TMPRSS15: variants seen among roughly 807,000 people sequenced by gnomAD.
TMPRSS15 encodes the protein transmembrane serine protease 15, also known as enteropeptidase.
TMPRSS15 carries 128 observed loss-of-function variants against 125.3 expected under a neutral mutation model. The observed-to-expected ratio is 1.02, with a 90% CI of 0.89 to 1.18. TMPRSS15 has a LOEUF of 1.18. TMPRSS15 is among the 50% of genes most tolerant of loss of function. The probability of loss-of-function intolerance (pLI) is 0.00; values close to 1 mark genes in which losing one functional copy is unlikely to be tolerated. For synonymous variants in TMPRSS15, 446 were observed against 423.2 expected, an observed-to-expected ratio of 1.05 and a Z score of -0.66; for missense variants, 1,283 against 1,212.7, an observed-to-expected ratio of 1.06 and a Z score of -0.86.
intron 10 of TMPRSS15, among the ~76,000 whole-genome samples, chr21:18,348,023 A>G (rs4380333): frequency 0.12 from 18,552 of 152,156 alleles, 1,204 homozygotes; most frequent in Middle Eastern, 0.26. Flanking sequence ...ATCTCTATAA[A>G]AAATTTAAAA....
chr21:18,441,245 C>A (rs544223624), intron 1 of TMPRSS15, among the ~76,000 whole-genome samples: 81 of 150,516 alleles, frequency 5.4e-4, no homozygotes, highest in African/African-American at 1.8e-3. Context: ...GTGAGCCCTG[C>A]ACTCCAGCCT....
intron 1 of TMPRSS15, among the ~76,000 whole-genome samples, chr21:18,414,089 T>C (rs1044641556): frequency 2.0e-5 from 3 of 152,232 alleles, no homozygotes; most frequent in Admixed American, 6.5e-5. Flanking sequence ...AGAAACTTAA[T>C]AGACTGTCAT....
At chr21:18,433,993 G>A (rs1387130026) in intron 1 of TMPRSS15, among the ~76,000 whole-genome samples, 1 of 152,180 alleles carries the variant, frequency 6.6e-6, no homozygotes, top group African/African-American at 2.4e-5. Flanking sequence ...AATTTGGCAG[G>A]TCCAATACAG....
intron 21 of TMPRSS15, among the ~76,000 whole-genome samples, chr21:18,288,634 G>A (rs926868999): frequency 1.4e-5 from 2 of 139,946 alleles, no homozygotes; most frequent in African/African-American, 2.8e-5. Flanking sequence ...TTCGCCTCCC[G>A]GGTTCAAGCA....
intron 1 of TMPRSS15, among the ~76,000 whole-genome samples, chr21:18,455,413 G>C (rs547564754): frequency 1.3e-5 from 2 of 152,056 alleles, no homozygotes; most frequent in Non-Finnish European, 2.9e-5. Flanking sequence ...CATTACACAG[G>C]TTCTAGGTAT....
At chr21:18,371,900 T>C (rs1193352103) in intron 6 of TMPRSS15, among the ~76,000 whole-genome samples, 6 of 152,072 alleles carry the variant, frequency 3.9e-5, no homozygotes, top group African/African-American at 1.4e-4. Flanking sequence ...CATCCCCACA[T>C]TTATGACAGA....
intron 1 of TMPRSS15, among the ~76,000 whole-genome samples, chr21:18,447,164 G>C (rs2076257376): frequency 6.6e-6 from 1 of 151,954 alleles, no homozygotes; most frequent in South Asian, 2.1e-4. Context: ...CATACAAATG[G>C]GCCAGGTGTA....
intron 1 of TMPRSS15, among the ~76,000 whole-genome samples, chr21:18,436,189 G>T (rs1484181325): frequency 6.6e-6 from 1 of 150,700 alleles, no homozygotes; most frequent in Middle Eastern, 3.2e-3. Context: ...GAATGTGTTT[G>T]CTCTTGCTTT....
At chr21:18,319,227 G>T (rs2075207531) in intron 16 of TMPRSS15, among the ~76,000 whole-genome samples, 1 of 151,944 alleles carries the variant, frequency 6.6e-6, no homozygotes, top group African/African-American at 2.4e-5. Context: ...TTGACCTTGG[G>T]CAAAGAAATT....
intron 1 of TMPRSS15, among the ~76,000 whole-genome samples, chr21:18,449,980 T>C (rs961453102): frequency 4.6e-5 from 7 of 151,990 alleles, no homozygotes; most frequent in African/African-American, 1.7e-4. Flanking sequence ...GTAGCACTTA[T>C]GAGATTAAGC....
intron 12 of TMPRSS15, among the ~76,000 whole-genome samples, chr21:18,341,856 T>A (rs1042168987): frequency 3.9e-5 from 6 of 152,242 alleles, no homozygotes; most frequent in African/African-American, 1.2e-4. Flanking sequence ...TATTGTCATA[T>A]TCCATTGTAC....
In TMPRSS15 at chr21:18,341,526, T is replaced by C. The variant is rs747951372; in HGVS notation, c.1451A>G (p.Asn484Ser). The C allele has an allele frequency of 1.9e-5, 31 of 1,614,048 alleles. No homozygotes were observed. Among genetic ancestry groups the C allele is most frequent in the Non-Finnish European group, 2.0e-5 (24 of 1,179,930 alleles). ...CAACGCAATATCACTCAGGATCTTG[T>C]TTTTAAAAGCATTAAAAGCAACCTG... ...KFKVAFNAFK[N>S]KILSDIALDD... Residue 484 changes from asparagine (N) to serine (S), a missense_variant, in exon 13 of 25, where the codon AAC (asparagine) becomes AGC (serine). Asn to Ser is a conservative substitution (Grantham distance 46). Coordinates refer to ENST00000284885, the MANE Select transcript of TMPRSS15 (RefSeq NM_002772.3).
At chr21:18,283,197 G>C (rs896485438) in intron 21 of TMPRSS15, among the ~76,000 whole-genome samples, 6 of 152,144 alleles carry the variant, frequency 3.9e-5, no homozygotes, top group Admixed American at 3.9e-4. Flanking sequence ...TATGTAGGGA[G>C]AGTGAACAGA....
chr21:18,393,207 G>T (rs1305255367), intron 3 of TMPRSS15, among the ~76,000 whole-genome samples: 1 of 151,896 alleles, frequency 6.6e-6, no homozygotes, highest in Admixed American at 6.6e-5. Context: ...AAGTCTTTAG[G>T]TATTTAAGGA....
intron 6 of TMPRSS15, among the ~76,000 whole-genome samples, chr21:18,371,930 C>T (rs994198990): frequency 5.9e-5 from 9 of 151,938 alleles, no homozygotes; most frequent in African/African-American, 2.2e-4. Flanking sequence ...TCACATCTTC[C>T]TTTCTGTAGT....
intron 1 of TMPRSS15, among the ~76,000 whole-genome samples, chr21:18,435,690 A>C (rs2076226243): frequency 6.6e-6 from 1 of 152,130 alleles, no homozygotes; most frequent in African/African-American, 2.4e-5. Flanking sequence ...TGATTGGAAT[A>C]GTTTCAGAAG....
rs982575784 is a variant in TMPRSS15, at chr21:18,343,454, T to C, written c.1428+52A>G. 3 of 1,467,930 alleles carry C rather than the reference T, an allele frequency of 2.0e-6. No homozygotes were observed. The Admixed American group carries it at 5.2e-5, about 25-fold the overall frequency. 90.9% of individuals were successfully genotyped at this position (1,467,930 alleles called of 1,614,324 possible). ...TTTCACTGTATCATTCTAAATATAATTGTTCCACCACAAAAAGGATACAAA... is the reference window on the plus strand; with the variant it reads ...TTTCACTGTATCATTCTAAATATAACTGTTCCACCACAAAAAGGATACAAA... On this transcript the variant is annotated intron_variant, in intron 12 of 24. Coordinates refer to ENST00000284885, the MANE Select transcript of TMPRSS15 (RefSeq NM_002772.3).
intron 1 of TMPRSS15, among the ~76,000 whole-genome samples, chr21:18,449,182 G>T (rs948108115): frequency 3.3e-5 from 5 of 152,062 alleles, no homozygotes; most frequent in Non-Finnish European, 2.9e-5. Flanking sequence ...CTTATTCCAG[G>T]AGCTTTTGAA....
chr21:18,275,393 A>C, intron 23 of TMPRSS15, 57 bp from the exon 24 acceptor site: 1 of 1,598,832 alleles, frequency 6.3e-7, no homozygotes, highest in Non-Finnish European at 8.6e-7. Context: ...TGCATCCTTG[A>C]ATGAACTACC....
Sources: gnomAD v4.1 joint callset for allele counts (sites outside exome capture counted in the v4.1 genomes callset) on GRCh38, gnomAD v4.1.1 for gene constraint, MANE v1.5 for transcripts, NCBI Gene and HGNC (gene_info 2026-07-23, HGNC 2026-07-21) for gene names.